RGS7BP: variants seen among roughly 807,000 people sequenced by gnomAD.
RGS7BP encodes regulator of G protein signaling 7-binding protein.
A neutral mutation model predicts 31.3 loss-of-function variants in RGS7BP; 9 were observed. The ratio of observed to expected loss-of-function variants is 0.29; its 90% CI spans 0.17 to 0.50. The LOEUF is 0.50. Among genes scored for constraint, RGS7BP ranks in the 20% least tolerant of loss-of-function variants. RGS7BP has a pLI of 0.98. For missense variants in RGS7BP, 274 were observed against 322.0 expected (o/e 0.85, Z 1.14); for synonymous variants, 115 against 120.1 (o/e 0.96, Z 0.28).
intron 2 of RGS7BP, among the ~76,000 whole-genome samples, chr5:64,546,219 A>G (rs1741655691): frequency 6.6e-6 from 1 of 152,180 alleles, no homozygotes; most frequent in Non-Finnish European, 1.5e-5. Context: ...TCTCTACTAA[A>G]AATACAAAAA....
intron 2 of RGS7BP, among the ~76,000 whole-genome samples, chr5:64,565,797 G>A (rs893613820): frequency 6.6e-6 from 1 of 152,122 alleles, no homozygotes; most frequent in African/African-American, 2.4e-5. Context: ...TATTTTCCAT[G>A]TATATAGATA....
At chr5:64,594,956 C>CA in intron 4 of RGS7BP, 99 bp downstream of exon 4, 1 of 1,305,154 alleles carries the variant, frequency 7.7e-7, no homozygotes, top group South Asian at 1.3e-5. Context: ...GATTCAGAAA[C>CA]AGAGCTTTCT....
chr5:64,609,473 A>G lies in RGS7BP; in HGVS notation c.*221A>G. On this transcript the variant is annotated 3_prime_UTR_variant, in exon 6 of 6. Transcript: ENST00000334025. ...AGATTCAAAAACCAGGCTGTTTTTA[A>G]AAGGGAATTTTAAAGCTGACATTGT... 1.9e-6 allele frequency: 1 copy of G among 532,376 alleles called. No individual in the cohort carries two copies. Among genetic ancestry groups the G allele is most frequent in the Non-Finnish European group, 3.4e-6 (1 of 294,736 alleles). 33.0% of individuals were successfully genotyped at this position (532,376 alleles called of 1,614,324 possible). A position where few individuals can be genotyped will look rare whatever the true frequency, so the allele number is the denominator to read the frequency against.
chr5:64,524,592 T>C (rs1328759589), intron 2 of RGS7BP, among the ~76,000 whole-genome samples: 1 of 152,214 alleles, frequency 6.6e-6, no homozygotes, highest in Non-Finnish European at 1.5e-5. Context: ...ATCACTATTA[T>C]ATTGCTAATG....
intron 2 of RGS7BP, among the ~76,000 whole-genome samples, chr5:64,530,631 C>T (rs1049786464): frequency 7.9e-5 from 12 of 152,152 alleles, no homozygotes; most frequent in Non-Finnish European, 1.3e-4. Context: ...CAAATCATGT[C>T]TAAATGTGGT....
At chr5:64,569,770 C>G (rs1158418) in intron 2 of RGS7BP, among the ~76,000 whole-genome samples, 128,071 of 152,118 alleles carry the variant, frequency 0.84, 54,246 homozygotes, top group African/African-American at 0.9. Context: ...AACCAGTGGG[C>G]ATATTTGAAG....
At chr5:64,553,999 A>G (rs1029878205) in intron 2 of RGS7BP, among the ~76,000 whole-genome samples, 1 of 152,124 alleles carries the variant, frequency 6.6e-6, no homozygotes, top group Admixed American at 6.5e-5. Context: ...ATATGGGAGC[A>G]GGAATTAGAA....
chr5:64,599,448 C>T (rs966876123), intron 5 of RGS7BP, among the ~76,000 whole-genome samples: 2 of 152,062 alleles, frequency 1.3e-5, no homozygotes, highest in Non-Finnish European at 2.9e-5. Context: ...CCTCTTGGCT[C>T]CAGGAGCAGC....
intron 5 of RGS7BP, among the ~76,000 whole-genome samples, chr5:64,604,716 C>G (rs2886802): frequency 0.28 from 42,385 of 152,092 alleles, 6,248 homozygotes; most frequent in South Asian, 0.42. Context: ...AGCTGAGGGT[C>G]TCTCTCTTTT....
At chr5:64,567,175 G>C (rs528837210) in intron 2 of RGS7BP, among the ~76,000 whole-genome samples, 1 of 148,658 alleles carries the variant, frequency 6.7e-6, no homozygotes, top group African/African-American at 2.5e-5. Flanking sequence ...ATTCTTATTA[G>C]TATGTAGTGT....
chr5:64,522,460 G>T (rs987198081), intron 2 of RGS7BP, among the ~76,000 whole-genome samples: 1 of 152,162 alleles, frequency 6.6e-6, no homozygotes, highest in Non-Finnish European at 1.5e-5. Context: ...GGAGATTGCT[G>T]TCTCCTCCAA....
chr5:64,595,796 A>G (rs1044926610), intron 4 of RGS7BP, among the ~76,000 whole-genome samples: 1 of 152,178 alleles, frequency 6.6e-6, no homozygotes, highest in Non-Finnish European at 1.5e-5. Flanking sequence ...GTAACACACA[A>G]TGGCATTTAT....
intron 2 of RGS7BP, among the ~76,000 whole-genome samples, chr5:64,556,051 A>T (rs1741915477): frequency 6.6e-6 from 1 of 152,048 alleles, no homozygotes. Flanking sequence ...GGTTGTTGAT[A>T]TGTACAGCTT....
intron 3 of RGS7BP, among the ~76,000 whole-genome samples, chr5:64,583,005 G>A (rs1242016850): frequency 6.6e-6 from 1 of 152,144 alleles, no homozygotes; most frequent in Non-Finnish European, 1.5e-5. Context: ...AATCCTAAGT[G>A]GAAACATGCA....
intron 2 of RGS7BP, among the ~76,000 whole-genome samples, chr5:64,521,009 T>G (rs1020709765): frequency 1.3e-5 from 2 of 152,198 alleles, no homozygotes; most frequent in African/African-American, 4.8e-5. Flanking sequence ...CCGCAAGAGC[T>G]CCTGTTCTCC....
intron 3 of RGS7BP, among the ~76,000 whole-genome samples, chr5:64,582,704 T>C (rs1279416870): frequency 1.3e-5 from 2 of 152,240 alleles, no homozygotes; most frequent in African/African-American, 4.8e-5. Flanking sequence ...CAGAATCTGC[T>C]GGGAGCTAAG....
Position 64,594,812 on chromosome 5 carries a change from A to G in RGS7BP, c.566A>G (p.Gln189Arg), listed in dbSNP as rs1743020201. The G allele has an allele frequency of 6.2e-7, 1 of 1,613,852 alleles. No individual in the cohort carries two copies. The highest frequency in any genetic ancestry group is 8.5e-7 in the Non-Finnish European group (1 of 1,179,820). ...EDSSSSPVDS[Q>R]QHSWQVSTDI... ...TCCTCATCATCCCCCGTAGATAGTC[A>G]GCAACATTCCTGGCAGGTTTCCACA... is the stretch of plus-strand genomic sequence containing the variant. The change falls in exon 4 of 6, where the codon CAG becomes CGG. Residue 189 changes from glutamine to arginine, a missense_variant. Gln to Arg is a conservative substitution (Grantham distance 43). Transcript: ENST00000334025.
At chr5:64,580,639 C>CA (rs1325071003) in intron 3 of RGS7BP, among the ~76,000 whole-genome samples, 1 of 151,418 alleles carries the variant, frequency 6.6e-6, no homozygotes, top group Non-Finnish European at 1.5e-5. Flanking sequence ...CATATCTTAG[C>CA]AAAAATGACC....
intron 3 of RGS7BP, among the ~76,000 whole-genome samples, chr5:64,584,945 A>G (rs1742702469): frequency 6.6e-6 from 1 of 152,238 alleles, no homozygotes; most frequent in South Asian, 2.1e-4. Context: ...TGCTTTTTAG[A>G]AACACAAGAG....
Sources: gnomAD v4.1 joint callset for allele counts (sites outside exome capture counted in the v4.1 genomes callset) on GRCh38, gnomAD v4.1.1 for gene constraint, MANE v1.5 for transcripts, NCBI Gene and HGNC (gene_info 2026-07-23, HGNC 2026-07-21) for gene names.